Variants in SESN2 observed in about 807,000 individuals in gnomAD.
SESN2 encodes the protein sestrin-2.
A neutral mutation model predicts 56.0 loss-of-function variants in SESN2; 42 were observed. The ratio of observed to expected loss-of-function variants is 0.75; its 90% confidence interval spans 0.59 to 0.97. SESN2 has a LOEUF of 0.97. Among genes scored for constraint, SESN2 ranks in the 50% least tolerant of loss-of-function variants. The pLI is 0.00. For synonymous variants in SESN2, 264 were observed against 267.1 expected, an observed-to-expected ratio of 0.99 and a Z score of 0.11; for missense variants, 507 against 649.4, an observed-to-expected ratio of 0.78 and a Z score of 2.38.
In SESN2 at chr1:28,259,874, C is replaced by T. The variant is rs370138182; in HGVS notation, c.27C>T (p.Arg9=). MIVADSEC[R]AELKDYLRFA... The stretch of plus-strand genomic sequence containing the variant: ...TGATCGTGGCGGACTCCGAGTGCCG[C>T]GCAGAGCTCAAGGACTACCTGCGGT... The change falls in exon 1 of 10, where the codon CGC becomes CGT. Residue 9 remains arginine, a synonymous_variant. Transcript: ENST00000253063. 18 of 1,417,606 alleles carry T rather than the reference C, an allele frequency of 1.3e-5. No individual in the cohort carries two copies. In the African/African-American group the frequency reaches 2.6e-4, roughly 20 times the overall value. 87.8% of individuals were successfully genotyped at this position (1,417,606 alleles called of 1,614,324 possible).
Position 28,280,811 on chromosome 1 carries a change from C to T in SESN2, c.*9C>T, listed in dbSNP as rs370925800. 7.5e-6 allele frequency: 12 copies of T among 1,610,446 alleles called. No individual in the cohort carries two copies. Among genetic ancestry groups the T allele is most frequent in the African/African-American group, 2.7e-5 (2 of 75,010 alleles). The stretch of plus-strand genomic sequence containing the variant: ...CCCGCTACATGACCTGACTCCTGAG[C>T]AGGACCTGGGCCCGGTTCAGCTCCC... On this transcript the variant is annotated 3_prime_UTR_variant, in exon 10 of 10. Transcript: ENST00000253063.
rs1188605386 is a variant in SESN2, at chr1:28,259,615, GC to G, written c.-230del. ...AGGCCGTGAAAACCCCTGCGCTGCG[GC>G]CCTTCCCAGGCCCCCGAGGCCGTTC... On this transcript the variant is annotated 5_prime_UTR_variant, in exon 1 of 10. Transcript: ENST00000253063. The G allele has an allele frequency of 2.3e-6, 1 of 429,776 alleles. No individual in the cohort carries two copies. Among genetic ancestry groups the G allele is most frequent in the African/African-American group, 2.1e-5 (1 of 48,522 alleles). 26.6% of individuals were successfully genotyped at this position (429,776 alleles called of 1,614,324 possible). A position where few individuals can be genotyped will look rare whatever the true frequency, so the allele number is the denominator to read the frequency against.
intron 6 of SESN2, among the ~76,000 whole-genome samples, chr1:28,273,777 G>A (rs568183593): frequency 2.6e-5 from 4 of 152,222 alleles, no homozygotes; most frequent in Admixed American, 2.6e-4. Context: ...AGATCTTAGC[G>A]CAGAGCCTGG....
At chr1:28,276,216 C>T (rs1470752877) in intron 8 of SESN2, among the ~76,000 whole-genome samples, 2 of 151,646 alleles carry the variant, frequency 1.3e-5, no homozygotes, top group Non-Finnish European at 2.9e-5. Context: ...CAGTGGCTCA[C>T]ACCTGCAATC....
chr1:28,270,697 C>T (rs186416896), intron 2 of SESN2, among the ~76,000 whole-genome samples: 4 of 152,184 alleles, frequency 2.6e-5, no homozygotes, highest in Admixed American at 6.5e-5. Flanking sequence ...TCAAGCCTCC[C>T]GAGTAGCTGG....
chr1:28,263,621 G>T (rs544726405), intron 1 of SESN2, among the ~76,000 whole-genome samples: 1 of 152,114 alleles, frequency 6.6e-6, no homozygotes, highest in Non-Finnish European at 1.5e-5. Flanking sequence ...ATAAAGTCTG[G>T]GGCTTCTCCA....
chr1:28,272,010 G>T, intron 3 of SESN2, 139 bp downstream of exon 3: 12 of 931,820 alleles, frequency 1.3e-5, no homozygotes, highest in Non-Finnish European at 1.9e-5. Context: ...GTAGAGTTTT[G>T]GGTTTTTTGT....
intron 8 of SESN2, 72 bp from the exon 9 acceptor site, chr1:28,279,025 G>T: frequency 2.1e-6 from 3 of 1,462,274 alleles, no homozygotes; most frequent in Non-Finnish European, 2.9e-6. Context: ...CCCTCTGTAG[G>T]GTGGGGTTGC....
Position 28,269,214 on chromosome 1 carries a change from C to T in SESN2, c.122C>T (p.Pro41Leu), listed in dbSNP as rs1373899078. The T allele has an allele frequency of 2.5e-6, 4 of 1,613,076 alleles. No individual in the cohort carries two copies. The African/African-American group carries it at 4.0e-5, about 16-fold the overall frequency. Residue 41 changes from proline to leucine, a missense_variant, in exon 2 of 10, where the codon CCT becomes CTT. Transcript: ENST00000253063. ...AGGGAGAGCCGGGCTCGGCGAGGCC[C>T]TCGAGGGCCCAGCGCCTTCATCCCC... ...EQRESRARRG[P>L]RGPSAFIPVE... is the part of the protein sequence containing the mutation.
rs199776966 is a variant in SESN2, at chr1:28,279,081, G to C, written c.1212-16G>C. 1 of 1,613,876 alleles carries C rather than the reference G, an allele frequency of 6.2e-7. No individual in the cohort carries two copies. The highest frequency in any genetic ancestry group is 2.2e-5 in the East Asian group (1 of 44,890). On this transcript the variant is annotated splice_polypyrimidine_tract_variant and intron_variant, in intron 8 of 9. Transcript: ENST00000253063. ...GAAGAAAGCATGAGTAATGCTGCTGGGACCTTTCCATCCAGATATGATGAC... is the reference window on the plus strand; with the variant it reads ...GAAGAAAGCATGAGTAATGCTGCTGCGACCTTTCCATCCAGATATGATGAC...
intron 6 of SESN2, 44 bp downstream of exon 6, chr1:28,273,552 T>G (rs780848111): frequency 6.0e-6 from 9 of 1,494,938 alleles, no homozygotes; most frequent in Non-Finnish European, 8.1e-6. Flanking sequence ...TGCTCCTTCT[T>G]AGGCTATCTC....
chr1:28,261,285 C>T (rs1268092556), intron 1 of SESN2, among the ~76,000 whole-genome samples: 1 of 152,132 alleles, frequency 6.6e-6, no homozygotes, highest in African/African-American at 2.4e-5. Context: ...TGGCTCTTCT[C>T]CTGCAGCTTC....
At chr1:28,268,750 G>C (rs192616759) in intron 1 of SESN2, among the ~76,000 whole-genome samples, 20 of 152,052 alleles carry the variant, frequency 1.3e-4, no homozygotes, top group East Asian at 7.7e-4. Context: ...AAGGAAGGAA[G>C]GAACGAACGA....
rs1053101 is a variant in SESN2 at position 28,281,175 on chromosome 1, G to C, written c.*373G>C. 5.3e-6 allele frequency: 1 copy of C among 187,820 alleles called. No individual in the cohort carries two copies. The highest frequency in any genetic ancestry group is 2.3e-5 in the African/African-American group (1 of 42,682). The allele number at this position is 187,820 out of a possible 1,614,324, so 11.6% of individuals were successfully genotyped here. On this transcript the variant is annotated 3_prime_UTR_variant, in exon 10 of 10. Transcript: ENST00000253063. ...GGAAGTCCCTGGCTGGCCCCCGGGG[G>C]AGAGGGGCAAATGCCTCCGGGACTG...
chr1:28,260,142 T>G (rs1247409113), intron 1 of SESN2, among the ~76,000 whole-genome samples: 1 of 53,020 alleles, frequency 1.9e-5, no homozygotes, highest in Non-Finnish European at 3.8e-5. Context: ...CTTCTCCCCC[T>G]CCCTCTCCCC....
intron 2 of SESN2, 143 bp downstream of exon 2, chr1:28,269,391 C>T (rs1647676193): frequency 1.9e-5 from 10 of 522,280 alleles, no homozygotes; most frequent in Middle Eastern, 3.6e-4. Flanking sequence ...ATTCACAAAA[C>T]GGCTTTGTGA....
chr1:28,274,438 G>C (rs1647946697), intron 7 of SESN2, among the ~76,000 whole-genome samples: 1 of 152,176 alleles, frequency 6.6e-6, no homozygotes. Flanking sequence ...TGGCTGAGGT[G>C]GGAGGATCAC....
intron 8 of SESN2, 108 bp downstream of exon 8, chr1:28,275,123 C>T: frequency 1.3e-6 from 1 of 783,902 alleles, no homozygotes; most frequent in African/African-American, 1.7e-5. Context: ...TTTCTTCTTG[C>T]CTATACTGTT....
intron 2 of SESN2, 48 bp downstream of exon 2, chr1:28,269,296 C>T (rs1647673372): frequency 7.7e-7 from 1 of 1,303,186 alleles, no homozygotes; most frequent in Non-Finnish European, 1.1e-6. Context: ...GAAGAAAGGA[C>T]ATGGCATATT....
Sources: allele counts gnomAD v4.1 joint callset (sites outside exome capture counted in the v4.1 genomes callset), GRCh38; gene constraint gnomAD v4.1.1; transcripts MANE v1.5; gene names NCBI Gene and HGNC (gene_info 2026-07-23, HGNC 2026-07-21).